Variants in AGAP6 observed in about 807,000 individuals in gnomAD.
The protein encoded by AGAP6 is ArfGAP with GTPase domain, ankyrin repeat and PH domain 6.
Under a neutral mutation model 63.9 loss-of-function variants are expected in AGAP6, and 29 were observed. The ratio of observed to expected loss-of-function variants is 0.45; its 90% CI spans 0.34 to 0.62. AGAP6 has a LOEUF of 0.62. AGAP6 is among the 20% of genes least tolerant of loss of function. AGAP6 has a pLI of 0.01. For synonymous variants in AGAP6, 199 were observed against 332.9 expected, an observed-to-expected ratio of 0.60 and a Z score of 4.38; for missense variants, 493 against 884.9, an observed-to-expected ratio of 0.56 and a Z score of 5.62.
chr10:50,009,281 A>C lies in AGAP6; in HGVS notation c.1156A>C (p.Ser386Arg). 6.2e-7 allele frequency: 1 copy of C among 1,614,170 alleles called. No individual in the cohort carries two copies. The highest frequency in any genetic ancestry group is 8.5e-7 in the Non-Finnish European group (1 of 1,180,032). ...CFSPSISSTT[S>R]PKLNPPPSPH... ...CAGCCCCAGTATCTCCAGCACCACC[A>C]GCCCCAAGCTCAACCCGCCCCCCTC... Residue 386 changes from serine to arginine, a missense_variant, in exon 8 of 8, where the codon AGC becomes CGC. By Grantham distance (110) the Ser-to-Arg change is moderately radical. This residue lies in a region of AGAP6 where 342 missense variants were observed against 533.4 expected (regional missense o/e 0.64). Transcript: ENST00000412531.
Position 50,009,644 on chromosome 10 carries a change from C to T in AGAP6, c.1519C>T (p.Arg507Cys), listed in dbSNP as rs187547602. 4.3e-5 allele frequency: 69 copies of T among 1,614,200 alleles called. No homozygotes were observed. The Admixed American group carries it at 6.0e-4, about 14-fold the overall frequency. ...LMCIECSGIH[R>C]SLGPHLSRVR... is the part of the protein sequence containing the mutation. ...GTGTATTGAATGCTCAGGTATCCAC[C>T]GCAGTCTTGGCCCCCACCTTTCCCG... Residue 507 changes from arginine to cysteine, a missense_variant, in exon 8 of 8, where the codon CGC (arginine) becomes TGC (cysteine). Coordinates refer to ENST00000412531, the MANE Select transcript of AGAP6 (RefSeq NM_001077665.3).
chr10:49,992,810 G>T (rs1554861303), intron 3 of AGAP6, among the ~76,000 whole-genome samples: 1 of 151,816 alleles, frequency 6.6e-6, no homozygotes. Context: ...TGCCCAGGCT[G>T]GAGTGCAATG....
At chr10:49,994,602 A>G (rs1403426074) in intron 4 of AGAP6, among the ~76,000 whole-genome samples, 173 bp downstream of exon 4, 3 of 152,196 alleles carry the variant, frequency 2.0e-5, no homozygotes, top group Non-Finnish European at 4.4e-5. Flanking sequence ...AAAAGTGTTT[A>G]GTTTAGCGTG....
At position 50,009,354 on chromosome 10, in the gene AGAP6, A is replaced by G. The variant is rs551999415; in HGVS notation, c.1229A>G (p.Asn410Ser). 1.7e-4 allele frequency: 270 copies of G among 1,614,092 alleles called. 3 individuals are homozygous for G. In the South Asian group the frequency reaches 2.8e-3, roughly 16 times the overall value. ...KKHLKKKSTN[N>S]FMIVSATGQT... is the part of the protein sequence containing the mutation. ...CACCTAAAGAAGAAAAGCACCAACA[A>G]CTTTATGATTGTGTCTGCCACTGGC... The change falls in exon 8 of 8, where the codon AAC becomes AGC. Residue 410 changes from asparagine to serine, a missense_variant. Physicochemically the swap from Asn to Ser is conservative, Grantham distance 46. Transcript: ENST00000412531.
chr10:50,003,655 A>G (rs1319035691), intron 5 of AGAP6, among the ~76,000 whole-genome samples: 1 of 152,178 alleles, frequency 6.6e-6, no homozygotes, highest in Non-Finnish European at 1.5e-5. Context: ...CATGTTGAAG[A>G]TGAGGCAGAT....
chr10:50,001,956 C>T (rs782697948), intron 4 of AGAP6, 40 bp from the exon 5 acceptor site: 9 of 1,607,138 alleles, frequency 5.6e-6, no homozygotes, highest in Non-Finnish European at 7.6e-6. Context: ...GAAAATAATA[C>T]ACTTTGATAA....
Position 49,991,739 on chromosome 10 carries a change from C to T in AGAP6, c.356C>T (p.Thr119Ile). The T allele has an allele frequency of 1.9e-6, 3 of 1,598,548 alleles. No individual in the cohort carries two copies. The highest frequency in any genetic ancestry group is 2.5e-6 in the Non-Finnish European group (3 of 1,179,738). The change falls in exon 3 of 8, where the codon ACA becomes ATA. Residue 119 changes from threonine (T) to isoleucine (I), a missense_variant. By Grantham distance (89) the Thr-to-Ile change is moderately conservative. Around this residue, in one of 7 missense-constraint regions of AGAP6, gnomAD observed 342 missense variants for 533.4 expected, o/e 0.64. Transcript: ENST00000412531. Reference sequence around the variant, plus strand: ...ACAATATTCCAGAGGAACTCTCAAACAGATGGTGAGACGACATTGTCTTTT... The same window carrying T: ...ACAATATTCCAGAGGAACTCTCAAATAGATGGTGAGACGACATTGTCTTTT... ...ASTIFQRNSQ[T>I]DVVEIRRSNC...
chr10:50,007,392 CAAAAAAAAAAA>C (rs782611919), intron 6 of AGAP6, among the ~76,000 whole-genome samples: 16 of 8,578 alleles, frequency 1.9e-3, no homozygotes, highest in Non-Finnish European at 4.5e-3. Context: ...AACTTGGTCT[CAAAAAAAAAAA>C]AAAAAAAAAA....
In AGAP6 at chr10:49,994,956, T is replaced by C. The variant is rs1174414613; in HGVS notation, c.396+527T>C. 2.2e-5 allele frequency among the ~76,000 whole-genome samples: 3 copies of C among 134,766 alleles called. No individual in the cohort carries two copies. In the Admixed American group the frequency reaches 2.3e-4, roughly 10 times the overall value. 88.4% of individuals were successfully genotyped at this position (134,766 alleles called of 152,430 possible). A position where few individuals can be genotyped will look rare whatever the true frequency, so the allele number is the denominator to read the frequency against. On this transcript the variant is annotated intron_variant, in intron 4 of 7. Transcript: ENST00000412531. ...CAGCCTGGGCAACAGAGCGAAACTCTGTCTCAAAAAAAAAAAAAAAAAAAA... is the reference window on the plus strand; with the variant it reads ...CAGCCTGGGCAACAGAGCGAAACTCCGTCTCAAAAAAAAAAAAAAAAAAAA...
In AGAP6 at chr10:49,994,857, G is replaced by A. The variant is rs1302462737; in HGVS notation, c.396+428G>A. Among the ~76,000 whole-genome samples, 3 of 151,498 alleles carry A rather than the reference G, an allele frequency of 2.0e-5. No individual in the cohort carries two copies. In the East Asian group the frequency reaches 5.8e-4, roughly 29 times the overall value. ...CATGCCTGTAATCTCAGCTACTCAGGAGGCTGAGGCAGGAGAATCACTTGA... is the reference window on the plus strand; with the variant it reads ...CATGCCTGTAATCTCAGCTACTCAGAAGGCTGAGGCAGGAGAATCACTTGA... On this transcript the variant is annotated intron_variant, in intron 4 of 7. Transcript: ENST00000412531.
Position 50,009,374 on chromosome 10 carries a change from A to G in AGAP6, c.1249A>G (p.Thr417Ala). 6.2e-7 allele frequency: 1 copy of G among 1,614,186 alleles called. No homozygotes were observed. Among genetic ancestry groups the G allele is most frequent in the Non-Finnish European group, 8.5e-7 (1 of 1,180,050 alleles). Residue 417 changes from threonine to alanine, a missense_variant, in exon 8 of 8, where the codon ACT becomes GCT. Thr to Ala is a moderately conservative substitution (Grantham distance 58). Coordinates refer to ENST00000412531, the MANE Select transcript of AGAP6 (RefSeq NM_001077665.3). ...STNNFMIVSA[T>A]GQTWHFEATT... ...CAACAACTTTATGATTGTGTCTGCC[A>G]CTGGCCAAACGTGGCACTTTGAAGC... is the stretch of plus-strand genomic sequence containing the variant.
At position 50,004,666 on chromosome 10, in the gene AGAP6, AT is replaced by A. The variant is rs1157889058; in HGVS notation, c.498-11del. The A allele has an allele frequency of 1.6e-5, 20 of 1,249,820 alleles. 1 individual carries two copies. Among genetic ancestry groups the A allele is most frequent in the African/African-American group, 1.4e-4 (9 of 63,812 alleles). The allele number at this position is 1,249,820 out of a possible 1,614,324, so 77.4% of individuals were successfully genotyped here. ...CAAATGATAACATCTATTGTTATGA[AT>A]TTTTTTTCCTTCCACAGTGTGACCT... On this transcript the variant is annotated intron_variant, in intron 5 of 7. Coordinates refer to ENST00000412531, the MANE Select transcript of AGAP6 (RefSeq NM_001077665.3).
intron 6 of AGAP6, among the ~76,000 whole-genome samples, chr10:50,006,749 C>A (rs1304488578): frequency 6.7e-6 from 1 of 150,316 alleles, no homozygotes; most frequent in African/African-American, 2.5e-5. Context: ...AGTTAAATCA[C>A]GGATTCTTTA....
intron 4 of AGAP6, among the ~76,000 whole-genome samples, chr10:49,996,853 C>T (rs530350980): frequency 4.0e-5 from 6 of 151,692 alleles, no homozygotes; most frequent in Non-Finnish European, 5.9e-5. Flanking sequence ...GTTCCAGTCA[C>T]TTTCTGTAGG....
chr10:50,008,939 C>G lies in AGAP6; in HGVS notation c.814C>G (p.His272Asp), dbSNP rs868973817. The change falls in exon 8 of 8, where the codon CAT becomes GAT. Residue 272 changes from histidine (H) to aspartate (D), a missense_variant. This residue lies in a region of AGAP6 where 342 missense variants were observed against 533.4 expected (regional missense o/e 0.64). Coordinates refer to ENST00000412531, the MANE Select transcript of AGAP6 (RefSeq NM_001077665.3). ...PDKERKAPEN[H>D]ADTIGSGRAI... is the part of the protein sequence containing the mutation. ...CAAAGAGAGGAAAGCCCCGGAGAAT[C>G]ATGCTGACACCATCGGGAGCGGTAG... 6.2e-7 allele frequency: 1 copy of G among 1,613,964 alleles called. No homozygotes were observed.
chr10:50,003,776 T>C (rs1406087262), intron 5 of AGAP6, among the ~76,000 whole-genome samples: 1 of 152,192 alleles, frequency 6.6e-6, no homozygotes, highest in Non-Finnish European at 1.5e-5. Flanking sequence ...GGCAAGTCAG[T>C]TTTAAGGTCT....
At chr10:49,995,666 G>T (rs1268848427) in intron 4 of AGAP6, among the ~76,000 whole-genome samples, 1 of 152,126 alleles carries the variant, frequency 6.6e-6, no homozygotes, top group Non-Finnish European at 1.5e-5. Context: ...TCACGTAACT[G>T]CTGTCTTGTG....
In AGAP6 at chr10:50,009,298, G is replaced by A. The variant is rs200123722; in HGVS notation, c.1173G>A (p.Pro391=). ...ISSTTSPKLN[P]PPSPHANKKK... ...GCACCACCAGCCCCAAGCTCAACCC[G>A]CCCCCCTCTCCTCATGCTAATAAAA... The change falls in exon 8 of 8, where the codon CCG becomes CCA. Residue 391 remains proline, a synonymous_variant. Coordinates refer to ENST00000412531, the MANE Select transcript of AGAP6 (RefSeq NM_001077665.3). The A allele has an allele frequency of 0.017, 27,377 of 1,600,214 alleles. 367 individuals are homozygous for A. The highest frequency in any genetic ancestry group is 0.021 in the Non-Finnish European group (24,803 of 1,166,960).
At chr10:50,003,585 C>T (rs1263216467) in intron 5 of AGAP6, among the ~76,000 whole-genome samples, 15 of 152,132 alleles carry the variant, frequency 9.9e-5, no homozygotes, top group African/African-American at 2.4e-4. Context: ...ACCTGGGAAA[C>T]GTTTACCAAG....
Sources: gnomAD v4.1 joint callset for allele counts (sites outside exome capture counted in the v4.1 genomes callset) on GRCh38, gnomAD v4.1.1 for gene constraint, gnomAD v4.1.1 regional missense constraint, MANE v1.5 for transcripts, NCBI Gene and HGNC (gene_info 2026-07-23, HGNC 2026-07-21) for gene names.